The following CYP3A43 variants were observed in gnomAD, a reference collection of about 807,000 sequenced individuals.
CYP3A43 encodes the protein cytochrome P450 family 3 subfamily A member 43, also known as cytochrome P450 3A43.
A neutral mutation model predicts 58.0 loss-of-function variants in CYP3A43; 45 were observed. That is an observed-to-expected ratio of 0.78 (90% CI 0.61 to 0.99). CYP3A43 has a LOEUF of 0.99. Ranked by LOEUF, CYP3A43 falls within the 50% of genes least tolerant of loss-of-function variation. The pLI is 0.00. For missense variants in CYP3A43, 593 were observed against 591.9 expected (o/e 1.00, Z -0.02); for synonymous variants, 191 against 201.4 (o/e 0.95, Z 0.44).
chr7:99,857,699 C>A (rs1036914811), intron 9 of CYP3A43, among the ~76,000 whole-genome samples: 1 of 151,654 alleles, frequency 6.6e-6, no homozygotes, highest in African/African-American at 2.4e-5. Context: ...AAAAACTAGC[C>A]GGGTGTGGTG....
intron 1 of CYP3A43, among the ~76,000 whole-genome samples, chr7:99,830,533 GA>G (rs1816802951): frequency 1.3e-5 from 2 of 151,696 alleles, no homozygotes; most frequent in African/African-American, 4.8e-5. Flanking sequence ...AAAAAAAAAA[GA>G]AAAAAATAAT....
chr7:99,834,532 G>T (rs1054994404), intron 1 of CYP3A43, among the ~76,000 whole-genome samples: 2 of 152,190 alleles, frequency 1.3e-5, no homozygotes, highest in Non-Finnish European at 2.9e-5. Context: ...GTCAGCAGCT[G>T]ATATGCCTGT....
chr7:99,863,736 GT>G (rs887326635), intron 12 of CYP3A43, 37 bp downstream of exon 12: 5 of 1,459,944 alleles, frequency 3.4e-6, no homozygotes, highest in African/African-American at 1.4e-5. Context: ...TTTATTGGGA[GT>G]TTTTTAAACT....
intron 2 of CYP3A43, among the ~76,000 whole-genome samples, chr7:99,838,206 T>C (rs577916500): frequency 2.0e-5 from 3 of 152,316 alleles, no homozygotes; most frequent in Admixed American, 1.3e-4. Context: ...CCCACACTTA[T>C]TATGTGTTAA....
chr7:99,835,307 A>C (rs2151591184), intron 1 of CYP3A43, among the ~76,000 whole-genome samples: 1 of 152,306 alleles, frequency 6.6e-6, no homozygotes. Flanking sequence ...GTCAGTGTAG[A>C]CCACTTAATG....
intron 7 of CYP3A43, among the ~76,000 whole-genome samples, chr7:99,851,422 C>CAT (rs1221138740): frequency 6.6e-6 from 1 of 152,162 alleles, no homozygotes; most frequent in Non-Finnish European, 1.5e-5. Context: ...TTACCAGGAG[C>CAT]ATATAATGGT....
chr7:99,839,701 C>A (rs1817254850), intron 3 of CYP3A43, among the ~76,000 whole-genome samples: 2 of 152,128 alleles, frequency 1.3e-5, no homozygotes, highest in African/African-American at 2.4e-5. Flanking sequence ...CTCTCTCCTG[C>A]CGAGAGAGGG....
chr7:99,864,518 G>C (rs1275415896), intron 12 of CYP3A43, among the ~76,000 whole-genome samples: 1 of 148,680 alleles, frequency 6.7e-6, no homozygotes, highest in Non-Finnish European at 1.5e-5. Flanking sequence ...CTTCTGCTTT[G>C]TTACTGTTTA....
chr7:99,828,747 C>G (rs28560287), intron 1 of CYP3A43, among the ~76,000 whole-genome samples: 3,600 of 152,186 alleles, frequency 0.024, 144 homozygotes, highest in African/African-American at 0.083. Flanking sequence ...AATCTCTGAC[C>G]CTCTTCTGTC....
intron 6 of CYP3A43, 126 bp downstream of exon 6, chr7:99,848,380 T>G: frequency 2.3e-6 from 2 of 880,078 alleles, no homozygotes; most frequent in Non-Finnish European, 1.8e-6. Context: ...GTGTTGCAAC[T>G]CCAATAGGCC....
At chr7:99,833,326 G>T (rs193004129) in intron 1 of CYP3A43, among the ~76,000 whole-genome samples, 2 of 152,026 alleles carry the variant, frequency 1.3e-5, no homozygotes, top group African/African-American at 2.4e-5. Context: ...TTCGTGGGAG[G>T]GGGGAGATCT....
chr7:99,853,819 G>T (rs1043008159), intron 7 of CYP3A43, among the ~76,000 whole-genome samples: 24 of 152,206 alleles, frequency 1.6e-4, no homozygotes, highest in African/African-American at 5.5e-4. Context: ...GCCTCCCAAA[G>T]TGCTGGGATT....
intron 2 of CYP3A43, among the ~76,000 whole-genome samples, chr7:99,837,572 G>A (rs1047817270): frequency 3.3e-5 from 5 of 152,026 alleles, no homozygotes; most frequent in African/African-American, 1.2e-4. Context: ...GCCTGAGCAG[G>A]GAGTGCTTAT....
At chr7:99,830,342 AC>A (rs1358391005) in intron 1 of CYP3A43, among the ~76,000 whole-genome samples, 6 of 151,934 alleles carry the variant, frequency 3.9e-5, no homozygotes, top group Non-Finnish European at 7.4e-5. Flanking sequence ...ACATGATGAA[AC>A]CCTGTCTCTA....
rs762143717 is a variant in CYP3A43, at chr7:99,849,702, G to A, written c.670+8G>A. The A allele has an allele frequency of 1.3e-6, 2 of 1,564,050 alleles. No homozygotes were observed. The highest frequency in any genetic ancestry group is 1.5e-5 in the African/African-American group (1 of 66,340). The stretch of plus-strand genomic sequence containing the variant: ...CCTTTTTACTCTTAATATGTATGTG[G>A]ACTTTTATGTTATTTCTCTCTCTCT... On this transcript the variant is annotated splice_region_variant and intron_variant, in intron 7 of 12. Coordinates refer to ENST00000354829, the MANE Select transcript of CYP3A43 (RefSeq NM_057095.3).
chr7:99,831,500 C>T (rs1268383063), intron 1 of CYP3A43, among the ~76,000 whole-genome samples: 1 of 152,212 alleles, frequency 6.6e-6, no homozygotes, highest in African/African-American at 2.4e-5. Flanking sequence ...CCTTATAGGG[C>T]CTACTTTGTG....
intron 8 of CYP3A43, 123 bp downstream of exon 8, chr7:99,855,841 G>A (rs1817955839): frequency 2.7e-6 from 3 of 1,111,774 alleles, no homozygotes; most frequent in Non-Finnish European, 3.8e-6. Context: ...TAGACCAAGA[G>A]GGTTTTTACA....
At chr7:99,855,445 A>G in intron 7 of CYP3A43, 146 bp from the exon 8 acceptor site, 1 of 1,066,126 alleles carries the variant, frequency 9.4e-7, no homozygotes, top group South Asian at 1.7e-5. Context: ...AAGGTCATAC[A>G]GGAAGAGGGG....
chr7:99,859,781 A>G (rs1002303022), intron 9 of CYP3A43, 49 bp from the exon 10 acceptor site: 4 of 1,608,382 alleles, frequency 2.5e-6, no homozygotes, highest in East Asian at 2.2e-5. Flanking sequence ...CTAAACTGTG[A>G]TGCTCTACAC....
Sources: allele counts gnomAD v4.1 joint callset (sites outside exome capture counted in the v4.1 genomes callset), GRCh38; gene constraint gnomAD v4.1.1; transcripts MANE v1.5; gene names NCBI Gene and HGNC (gene_info 2026-07-23, HGNC 2026-07-21).